The following MYH13 variants were observed in gnomAD, a reference collection of about 807,000 sequenced individuals.
MYH13 encodes the protein myosin-13.
A neutral mutation model predicts 232.1 loss-of-function variants in MYH13; 177 were observed. The observed-to-expected ratio is 0.76, with a 90% CI of 0.67 to 0.86. The LOEUF (loss-of-function observed/expected upper bound fraction) is 0.86, where lower values mean the gene tolerates loss of function less well. Ranked by LOEUF, MYH13 falls within the 40% of genes least tolerant of loss-of-function variation. The pLI is 0.00. For synonymous variants in MYH13, 884 were observed against 923.5 expected, an observed-to-expected ratio of 0.96 and a Z score of 0.78; for missense variants, 2,246 against 2,405.9, an observed-to-expected ratio of 0.93 and a Z score of 1.39.
intron 19 of MYH13, 116 bp from the exon 20 acceptor site, chr17:10,332,338 C>A (rs1457910506): frequency 6.6e-6 from 9 of 1,360,520 alleles, no homozygotes; most frequent in Admixed American, 1.8e-5. Context: ...GAATACTGTA[C>A]AGCTGGTCTG....
At chr17:10,360,221 A>G in intron 5 of MYH13, 33 bp from the exon 6 acceptor site, 3 of 1,605,286 alleles carry the variant, frequency 1.9e-6, no homozygotes, top group Non-Finnish European at 2.6e-6. Flanking sequence ...AACAAAACAA[A>G]TAAACAACAA....
chr17:10,325,522 C>T (rs1048364381), intron 22 of MYH13, among the ~76,000 whole-genome samples: 1 of 152,112 alleles, frequency 6.6e-6, no homozygotes, highest in Non-Finnish European at 1.5e-5. Context: ...AGCTGTGTCT[C>T]CTCGAACCAC....
chr17:10,338,923 G>C (rs950560243), intron 18 of MYH13, among the ~76,000 whole-genome samples: 1 of 152,018 alleles, frequency 6.6e-6, no homozygotes. Context: ...GGATGGTCTC[G>C]ATCTCCTGAC....
chr17:10,342,410 A>C (rs2071625278), intron 16 of MYH13, among the ~76,000 whole-genome samples: 1 of 152,102 alleles, frequency 6.6e-6, no homozygotes, highest in African/African-American at 2.4e-5. Context: ...AATTTTGAAC[A>C]CAGTTATCAT....
intron 35 of MYH13, 46 bp from the exon 36 acceptor site, chr17:10,307,110 C>T (rs748244735): frequency 6.3e-7 from 1 of 1,590,776 alleles, no homozygotes; most frequent in African/African-American, 1.4e-5. Flanking sequence ...TATTGGGGCG[C>T]TTAAAAAAAT....
At chr17:10,329,828 A>C (rs1050769425) in intron 21 of MYH13, among the ~76,000 whole-genome samples, 4 of 152,076 alleles carry the variant, frequency 2.6e-5, no homozygotes, top group Non-Finnish European at 5.9e-5. Context: ...AAAACAAAAC[A>C]AAACAAACAA....
intron 27 of MYH13, 63 bp from the exon 28 acceptor site, chr17:10,316,088 C>G: frequency 6.4e-7 from 1 of 1,569,918 alleles, no homozygotes; most frequent in Non-Finnish European, 8.7e-7. Flanking sequence ...CAGCATTGAA[C>G]TGAACAGTGT....
chr17:10,311,259 C>G (rs1906500299), intron 32 of MYH13, 32 bp from the exon 33 acceptor site: 2 of 1,612,546 alleles, frequency 1.2e-6, no homozygotes, highest in Non-Finnish European at 1.7e-6. Flanking sequence ...TAGGCTGTTT[C>G]AACAGGCTCC....
intron 19 of MYH13, among the ~76,000 whole-genome samples, 180 bp from the exon 20 acceptor site, chr17:10,332,402 C>T (rs1907440829): frequency 1.3e-5 from 2 of 152,122 alleles, no homozygotes; most frequent in Non-Finnish European, 2.9e-5. Flanking sequence ...AATCAGCCCC[C>T]TTGGGAGAGA....
Position 10,344,128 on chromosome 17 carries a change from A to G in MYH13, c.1585-19T>C, listed in dbSNP as rs77740420. 4,244 of 1,612,750 alleles carry G rather than the reference A, an allele frequency of 2.6e-3. 58 individuals carry two copies. The East Asian group carries it at 0.036, about 14-fold the overall frequency. On this transcript the variant is annotated intron_variant, in intron 15 of 40. Transcript: ENST00000252172. ...CCATAGGCTGGAAAGAGGATAACAG[A>G]GTCTACATATAATAGTGCATACCCA...
chr17:10,343,998 G>A lies in MYH13; in HGVS notation c.1696C>T (p.Gln566Ter). The change falls in exon 16 of 41, where the codon CAG becomes TAG. Residue 566 changes from glutamine (Q) to a stop codon, truncating the protein, a stop_gained. Transcript: ENST00000252172. LOFTEE classifies it high-confidence loss of function. Reference sequence around the variant, plus strand: ...TTGCCTTTGGCAGGCTTGGGCTTCTGGAAGTTGTTGGATTTTCCAAGATGC... The same window carrying A: ...TTGCCTTTGGCAGGCTTGGGCTTCTAGAAGTTGTTGGATTTTCCAAGATGC... ...DQHLGKSNNF[Q>*]KPKPAKGKAE... 1 of 1,614,230 alleles carries A rather than the reference G, an allele frequency of 6.2e-7. No homozygotes were observed. Among genetic ancestry groups the A allele is most frequent in the Non-Finnish European group, 8.5e-7 (1 of 1,180,052 alleles).
intron 8 of MYH13, among the ~76,000 whole-genome samples, chr17:10,356,689 A>C (rs2071751992): frequency 6.6e-6 from 1 of 152,186 alleles, no homozygotes; most frequent in Non-Finnish European, 1.5e-5. Context: ...TTCCTCATTG[A>C]TAACCATTTT....
At chr17:10,326,601 G>T (rs1460952828) in intron 22 of MYH13, among the ~76,000 whole-genome samples, 1 of 150,184 alleles carries the variant, frequency 6.7e-6, no homozygotes, top group African/African-American at 2.5e-5. Flanking sequence ...CTCCTGAGTA[G>T]CTGGCACTAC....
At chr17:10,342,966 T>C (rs1174847994) in intron 16 of MYH13, among the ~76,000 whole-genome samples, 3 of 151,912 alleles carry the variant, frequency 2.0e-5, no homozygotes, top group Non-Finnish European at 4.4e-5. Context: ...GGCGTGCGCC[T>C]GTAGTCCCAG....
rs779018870 is a variant in MYH13 at position 10,344,068 on chromosome 17, G to A, written c.1626C>T (p.Phe542=). Residue 542 remains phenylalanine, a synonymous_variant, in exon 16 of 41, where the codon TTC becomes TTT. Transcript: ENST00000252172. ...TGAAGGAGGTGTCTGTTGCCTTGGG[G>A]AACATGCACTCCTCTTCCAGGATGG... ...IFSILEEECM[F]PKATDTSFKN... is the part of the protein sequence containing the mutation. The A allele has an allele frequency of 6.2e-7, 1 of 1,614,140 alleles. No individual in the cohort carries two copies. Among genetic ancestry groups the A allele is most frequent in the Non-Finnish European group, 8.5e-7 (1 of 1,179,988 alleles).
chr17:10,314,005 G>A (rs575176618), intron 29 of MYH13, among the ~76,000 whole-genome samples: 1 of 152,318 alleles, frequency 6.6e-6, no homozygotes. Context: ...CCTCCCATTG[G>A]AGGGATGTAA....
chr17:10,308,232 G>A (rs1273219647), intron 35 of MYH13, among the ~76,000 whole-genome samples: 1 of 151,468 alleles, frequency 6.6e-6, no homozygotes, highest in African/African-American at 2.4e-5. Context: ...GCTGAGGCAG[G>A]AGAATCGCTT....
At chr17:10,366,237 T>C (rs750028279) in intron 2 of MYH13, among the ~76,000 whole-genome samples, 2 of 151,994 alleles carry the variant, frequency 1.3e-5, no homozygotes, top group Admixed American at 1.3e-4. Context: ...CCTATTTTCC[T>C]CAAGTCTCTT....
At chr17:10,341,024 T>A (rs1249734558) in intron 16 of MYH13, 2 of 151,506 alleles carry the variant, frequency 1.3e-5, no homozygotes, top group Admixed American at 1.3e-4. Context: ...TTTCTTTTTT[T>A]TTTTCATTCT....
Sources: gnomAD v4.1 joint callset for allele counts (sites outside exome capture counted in the v4.1 genomes callset) on GRCh38, gnomAD v4.1.1 for gene constraint, MANE v1.5 for transcripts, NCBI Gene and HGNC (gene_info 2026-07-23, HGNC 2026-07-21) for gene names.